EPHA6: variants seen among roughly 807,000 people sequenced by gnomAD.
EPHA6 encodes the protein EPH receptor A6.
EPHA6 carries 50 observed loss-of-function variants against 112.0 expected under a neutral mutation model. The ratio of observed to expected loss-of-function variants is 0.45; its 90% confidence interval spans 0.36 to 0.56. The LOEUF (loss-of-function observed/expected upper bound fraction) is 0.56. Among genes scored for constraint, EPHA6 ranks in the 20% least tolerant of loss-of-function variants. EPHA6 has a pLI of 0.00. For missense variants in EPHA6, 1,280 were observed against 1,417.4 expected (o/e 0.90, Z 1.56); for synonymous variants, 529 against 490.7 (o/e 1.08, Z -1.03).
chr3:97,218,756 A>G (rs2078106665), intron 3 of EPHA6, among the ~76,000 whole-genome samples: 1 of 152,106 alleles, frequency 6.6e-6, no homozygotes, highest in Non-Finnish European at 1.5e-5. Flanking sequence ...TGCCTTCCCA[A>G]CTGTCCCCCA....
chr3:97,107,606 G>T (rs1236573352), intron 3 of EPHA6, among the ~76,000 whole-genome samples: 1 of 152,000 alleles, frequency 6.6e-6, no homozygotes, highest in Non-Finnish European at 1.5e-5. Context: ...CTTCATGCTT[G>T]TCCCCTATAC....
At chr3:97,044,714 GA>G (rs113572613) in intron 3 of EPHA6, among the ~76,000 whole-genome samples, 8,805 of 146,342 alleles carry the variant, frequency 0.06, 813 homozygotes, top group African/African-American at 0.2. Context: ...TATGTTCTAG[GA>G]AAAAAAAAAA....
At chr3:96,901,336 G>A (rs2038598383) in intron 2 of EPHA6, among the ~76,000 whole-genome samples, 1 of 151,792 alleles carries the variant, frequency 6.6e-6, no homozygotes, top group Admixed American at 6.6e-5. Context: ...AAAGTTTTGG[G>A]GACTATACAT....
chr3:96,856,519 A>T (rs570782366), intron 1 of EPHA6, among the ~76,000 whole-genome samples: 3 of 152,164 alleles, frequency 2.0e-5, no homozygotes, highest in Non-Finnish European at 4.4e-5. Context: ...AATTTAGCCA[A>T]TAAAGGATAG....
At chr3:97,411,259 C>T (rs1002705540) in intron 6 of EPHA6, among the ~76,000 whole-genome samples, 2 of 151,860 alleles carry the variant, frequency 1.3e-5, no homozygotes, top group Admixed American at 6.6e-5. Flanking sequence ...CTTAGTAAGC[C>T]CAGGGAGGAC....
intron 3 of EPHA6, among the ~76,000 whole-genome samples, chr3:97,102,519 C>G (rs149725113): frequency 9.9e-5 from 15 of 152,062 alleles, no homozygotes; most frequent in African/African-American, 3.6e-4. Flanking sequence ...TACAAACATC[C>G]AATTATGTAC....
At chr3:97,616,949 A>G (rs558152496) in intron 13 of EPHA6, among the ~76,000 whole-genome samples, 12 of 152,262 alleles carry the variant, frequency 7.9e-5, no homozygotes, top group African/African-American at 2.2e-4. Flanking sequence ...AAAATACTCA[A>G]TGAGAAGATT....
chr3:97,151,821 C>A (rs1397880280), intron 3 of EPHA6, among the ~76,000 whole-genome samples: 2 of 151,730 alleles, frequency 1.3e-5, no homozygotes, highest in Admixed American at 1.3e-4. Flanking sequence ...ATGAAAATTT[C>A]TATAATTTAT....
chr3:97,074,412 A>G (rs2046452942), intron 3 of EPHA6, among the ~76,000 whole-genome samples: 1 of 151,898 alleles, frequency 6.6e-6, no homozygotes, highest in Admixed American at 6.6e-5. Flanking sequence ...CTTTTCCCAT[A>G]CCTTAAGCAA....
At chr3:97,245,185 A>G (rs763187403) in intron 5 of EPHA6, among the ~76,000 whole-genome samples, 26 of 152,056 alleles carry the variant, frequency 1.7e-4, no homozygotes, top group Non-Finnish European at 3.4e-4. Flanking sequence ...CTTAAGCAAC[A>G]GACAATTTAT....
intron 13 of EPHA6, among the ~76,000 whole-genome samples, chr3:97,616,580 A>G (rs1352440196): frequency 6.6e-6 from 1 of 152,192 alleles, no homozygotes; most frequent in Non-Finnish European, 1.5e-5. Flanking sequence ...TATAGAGAAC[A>G]TAACTGAACT....
intron 15 of EPHA6, among the ~76,000 whole-genome samples, chr3:97,731,692 T>A (rs955827214): frequency 2.0e-5 from 3 of 152,044 alleles, no homozygotes; most frequent in Admixed American, 2.0e-4. Context: ...TTTTGAGACC[T>A]AAATTAGGTA....
chr3:96,894,256 A>C (rs1024956600), intron 2 of EPHA6, among the ~76,000 whole-genome samples: 3 of 152,190 alleles, frequency 2.0e-5, no homozygotes, highest in Non-Finnish European at 4.4e-5. Flanking sequence ...CTCTTTCAAG[A>C]TGCCCTTCTG....
At chr3:96,874,292 TTTAG>T (rs1175776929) in intron 2 of EPHA6, among the ~76,000 whole-genome samples, 20 of 152,252 alleles carry the variant, frequency 1.3e-4, no homozygotes, top group East Asian at 5.8e-4. Flanking sequence ...TTCACAAATG[TTTAG>T]TTAAAAGCCT....
At chr3:97,474,192 G>A (rs1481556472) in intron 7 of EPHA6, among the ~76,000 whole-genome samples, 3 of 151,828 alleles carry the variant, frequency 2.0e-5, no homozygotes, top group Non-Finnish European at 4.4e-5. Context: ...TACTTCTGTG[G>A]AAGCTGTAAA....
At chr3:97,464,837 G>A (rs1286492603) in intron 7 of EPHA6, among the ~76,000 whole-genome samples, 4 of 152,170 alleles carry the variant, frequency 2.6e-5, no homozygotes, top group South Asian at 4.1e-4. Context: ...GTCTCATTGT[G>A]TGAAGTTTTG....
At chr3:97,626,187 G>A (rs991258287) in intron 13 of EPHA6, among the ~76,000 whole-genome samples, 4 of 151,762 alleles carry the variant, frequency 2.6e-5, no homozygotes, top group African/African-American at 9.7e-5. Flanking sequence ...GTTATTAATT[G>A]TATGCAATGT....
intron 11 of EPHA6, among the ~76,000 whole-genome samples, chr3:97,589,491 A>G (rs1323323641): frequency 6.6e-6 from 1 of 152,146 alleles, no homozygotes; most frequent in Non-Finnish European, 1.5e-5. Flanking sequence ...ACTAACGTAC[A>G]GTATTTCTCA....
chr3:97,430,599 A>G (rs896719150), intron 6 of EPHA6, among the ~76,000 whole-genome samples: 3 of 152,150 alleles, frequency 2.0e-5, no homozygotes, highest in African/African-American at 7.2e-5. Flanking sequence ...GAATGTATTT[A>G]GCTTCAAAAC....
Sources: allele counts gnomAD v4.1 joint callset (sites outside exome capture counted in the v4.1 genomes callset), GRCh38; gene constraint gnomAD v4.1.1; transcripts MANE v1.5; gene names NCBI Gene and HGNC (gene_info 2026-07-23, HGNC 2026-07-21).